The following SEC24D variants were observed in gnomAD, a reference collection of about 807,000 sequenced individuals.
SEC24D encodes the protein SEC24 homolog D, COPII component.
A neutral mutation model predicts 116.9 loss-of-function variants in SEC24D; 69 were observed. The observed-to-expected ratio is 0.59, with a 90% CI of 0.49 to 0.72. The LOEUF (loss-of-function observed/expected upper bound fraction) is 0.72. Among genes scored for constraint, SEC24D ranks in the 30% least tolerant of loss-of-function variants. The pLI is 0.00. For missense variants in SEC24D, 1,131 were observed against 1,264.1 expected, an observed-to-expected ratio of 0.89 and a Z score of 1.60; for synonymous variants, 405 against 442.8, an observed-to-expected ratio of 0.91 and a Z score of 1.07.
At chr4:118,743,103 ATC>A (rs1560623038) in intron 15 of SEC24D, among the ~76,000 whole-genome samples, 1 of 152,166 alleles carries the variant, frequency 6.6e-6, no homozygotes, top group African/African-American at 2.4e-5. Context: ...TCTCTTGAAT[ATC>A]TCTCTCAATC....
chr4:118,750,589 T>C (rs530582285), intron 13 of SEC24D, among the ~76,000 whole-genome samples: 1 of 152,308 alleles, frequency 6.6e-6, no homozygotes, highest in Admixed American at 6.5e-5. Context: ...GTAGAAAGAC[T>C]TGTAGGGTGA....
intron 6 of SEC24D, among the ~76,000 whole-genome samples, chr4:118,808,595 C>T (rs925023143): frequency 2.6e-5 from 4 of 152,002 alleles, no homozygotes; most frequent in African/African-American, 9.7e-5. Context: ...TTTTATTTAC[C>T]TCAAATGCAT....
intron 21 of SEC24D, chr4:118,729,503 T>C (rs1560600671): frequency 6.6e-6 from 1 of 152,186 alleles, no homozygotes; most frequent in African/African-American, 2.4e-5. Flanking sequence ...GTTCCTTCAG[T>C]GGATGGAAAA....
chr4:118,824,158 T>G (rs1188381770), intron 3 of SEC24D, among the ~76,000 whole-genome samples: 1 of 152,216 alleles, frequency 6.6e-6, no homozygotes, highest in African/African-American at 2.4e-5. Context: ...TTTTCTTGTT[T>G]TTTTTTGAGA....
At position 118,745,140 on chromosome 4, in the gene SEC24D, T is replaced by A. The variant is rs1726447665; in HGVS notation, c.1708-80A>T. 6.2e-6 allele frequency: 5 copies of A among 809,408 alleles called. No individual in the cohort carries two copies. In the Admixed American group the frequency reaches 8.9e-5, roughly 14 times the overall value. 50.1% of individuals were successfully genotyped at this position (809,408 alleles called of 1,614,324 possible). ...TTTAAGAGAATCAGAAAATAAAATA[T>A]AAGTTCTTTCTATGAGCTAAGCACT... On this transcript the variant is annotated intron_variant, in intron 13 of 22. Coordinates refer to ENST00000280551, the MANE Select transcript of SEC24D (RefSeq NM_014822.4).
At chr4:118,780,900 A>G (rs1728367618) in intron 8 of SEC24D, among the ~76,000 whole-genome samples, 1 of 135,242 alleles carries the variant, frequency 7.4e-6, no homozygotes, top group African/African-American at 2.8e-5. Context: ...TAGGATTGCA[A>G]CCCCTGCTTT....
In SEC24D at chr4:118,785,224, T is replaced by C. The variant is rs558793833; in HGVS notation, c.1041+12459A>G. Among the ~76,000 whole-genome samples, 7 of 152,276 alleles carry C rather than the reference T, an allele frequency of 4.6e-5. No individual in the cohort carries two copies. The South Asian group carries it at 1.4e-3, about 32-fold the overall frequency. ...TTTGAGCACAGGCAGACCTCTATGG[T>C]AAAAATGTCAACAAATTACTTGGCA... On this transcript the variant is annotated intron_variant, in intron 8 of 22. Transcript: ENST00000280551.
chr4:118,826,967 T>C (rs975689309), intron 2 of SEC24D, among the ~76,000 whole-genome samples: 5 of 152,238 alleles, frequency 3.3e-5, no homozygotes, highest in African/African-American at 1.2e-4. Context: ...TGTTACAATA[T>C]GCAGAGAGAC....
chr4:118,784,738 T>TCC (rs1728585044), intron 8 of SEC24D, among the ~76,000 whole-genome samples: 1 of 114,582 alleles, frequency 8.7e-6, no homozygotes, highest in African/African-American at 3.2e-5. Context: ...CATCCTTCCC[T>TCC]GCCCCCCCCC....
chr4:118,758,126 T>A (rs1488281112), intron 10 of SEC24D, among the ~76,000 whole-genome samples: 1 of 152,230 alleles, frequency 6.6e-6, no homozygotes, highest in Non-Finnish European at 1.5e-5. Flanking sequence ...TTTGCAAAGC[T>A]TTATTATTAC....
At chr4:118,777,183 G>A (rs1215281384) in intron 8 of SEC24D, among the ~76,000 whole-genome samples, 1 of 151,918 alleles carries the variant, frequency 6.6e-6, no homozygotes, top group Non-Finnish European at 1.5e-5. Flanking sequence ...TGTTACATAG[G>A]TATACATGTG....
rs748376001 is a variant in SEC24D, at chr4:118,833,728, C to G, written c.-32G>C. 4 of 1,463,412 alleles carry G rather than the reference C, an allele frequency of 2.7e-6. No individual in the cohort carries two copies. The highest frequency in any genetic ancestry group is 9.5e-7 in the Non-Finnish European group (1 of 1,053,986). 90.7% of individuals were successfully genotyped at this position (1,463,412 alleles called of 1,614,324 possible). On this transcript the variant is annotated 5_prime_UTR_variant, in exon 2 of 23. Coordinates refer to ENST00000280551, the MANE Select transcript of SEC24D (RefSeq NM_014822.4). ...AATATCATTCCATAGGATAATTCTACAAAAGAAGTCTGCAACAGAGAAACA... is the reference window on the plus strand; with the variant it reads ...AATATCATTCCATAGGATAATTCTAGAAAAGAAGTCTGCAACAGAGAAACA...
chr4:118,769,338 C>T (rs1332984014), intron 8 of SEC24D, among the ~76,000 whole-genome samples: 2 of 152,150 alleles, frequency 1.3e-5, no homozygotes, highest in African/African-American at 4.8e-5. Context: ...ATTAAGTCTG[C>T]CTTCCCAACT....
chr4:118,741,863 T>C (rs1314613293), intron 15 of SEC24D, among the ~76,000 whole-genome samples: 1 of 152,188 alleles, frequency 6.6e-6, no homozygotes, highest in Non-Finnish European at 1.5e-5. Flanking sequence ...TACAATGTTA[T>C]TGAATGGAAA....
intron 8 of SEC24D, among the ~76,000 whole-genome samples, 175 bp from the exon 9 acceptor site, chr4:118,768,486 C>G (rs1727749941): frequency 6.7e-6 from 1 of 150,000 alleles, no homozygotes; most frequent in Non-Finnish European, 1.5e-5. Flanking sequence ...CCTCCACCTA[C>G]AGGGTTCAAG....
At chr4:118,791,927 G>A (rs1193843301) in intron 8 of SEC24D, among the ~76,000 whole-genome samples, 1 of 152,180 alleles carries the variant, frequency 6.6e-6, no homozygotes, top group Non-Finnish European at 1.5e-5. Context: ...TGAGTTTGCA[G>A]CCTCTGCCCG....
At chr4:118,792,356 G>T (rs1397275307) in intron 8 of SEC24D, among the ~76,000 whole-genome samples, 4 of 152,020 alleles carry the variant, frequency 2.6e-5, no homozygotes, top group South Asian at 4.2e-4. Context: ...GAAGTGAGGA[G>T]CCCCTCTGCC....
intron 13 of SEC24D, among the ~76,000 whole-genome samples, chr4:118,751,617 T>A (rs1161733652): frequency 6.6e-6 from 1 of 152,218 alleles, no homozygotes; most frequent in Non-Finnish European, 1.5e-5. Flanking sequence ...TGTCACTGAC[T>A]GTGACAAGGC....
At chr4:118,777,824 C>A (rs1242286009) in intron 8 of SEC24D, among the ~76,000 whole-genome samples, 1 of 152,214 alleles carries the variant, frequency 6.6e-6, no homozygotes, top group African/African-American at 2.4e-5. Context: ...GAGATGGTAT[C>A]TCATTGTGGT....
Sources: gnomAD v4.1 joint callset for allele counts (sites outside exome capture counted in the v4.1 genomes callset) on GRCh38, gnomAD v4.1.1 for gene constraint, MANE v1.5 for transcripts, NCBI Gene and HGNC (gene_info 2026-07-23, HGNC 2026-07-21) for gene names.